The following SPPL3 variants were observed in gnomAD, a reference collection of about 807,000 sequenced individuals.
The protein encoded by SPPL3 is signal peptide peptidase-like 3.
In SPPL3, 5 loss-of-function variants were observed where a neutral mutation model predicts 42.4. The ratio of observed to expected loss-of-function variants is 0.12; its 90% CI spans 0.06 to 0.25. SPPL3 has a LOEUF of 0.25. Ranked by LOEUF, SPPL3 falls within the 10% of genes least tolerant of loss-of-function variation. The probability of loss-of-function intolerance (pLI) is 1.00; values close to 1 mark genes in which losing one functional copy is unlikely to be tolerated. For missense variants in SPPL3, 235 were observed against 489.0 expected, an observed-to-expected ratio of 0.48 and a Z score of 4.90; for synonymous variants, 195 against 181.8, an observed-to-expected ratio of 1.07 and a Z score of -0.58.
Position 120,767,532 on chromosome 12 carries a change from G to A in SPPL3, c.835C>T (p.Leu279=), listed in dbSNP as rs779926267. The change falls in exon 9 of 11, where the codon CTA becomes TTA. Residue 279 remains leucine, a synonymous_variant. Coordinates refer to ENST00000353487, the MANE Select transcript of SPPL3 (RefSeq NM_139015.5). ...TTGTCATAGCGAAGGACAAAGCATAGTAGGAGACCAGGCATAACGATGTCT... is the reference window on the plus strand; with the variant it reads ...TTGTCATAGCGAAGGACAAAGCATAATAGGAGACCAGGCATAACGATGTCT... ...IGDIVMPGLL[L]CFVLRYDNYK... 6 of 1,614,230 alleles carry A rather than the reference G, an allele frequency of 3.7e-6. No individual in the cohort carries two copies. The East Asian group carries it at 6.7e-5, about 18-fold the overall frequency.
At chr12:120,842,050 A>T (rs763890800) in intron 1 of SPPL3, among the ~76,000 whole-genome samples, 1 of 152,198 alleles carries the variant, frequency 6.6e-6, no homozygotes, top group South Asian at 2.1e-4. Context: ...TGGAATAGTA[A>T]ATTTGAGGAT....
In SPPL3 at chr12:120,767,507, T is replaced by G. The variant is rs1284700306; in HGVS notation, c.860A>C (p.Asn287Thr). 1.2e-6 allele frequency: 2 copies of G among 1,614,138 alleles called. No homozygotes were observed. Among genetic ancestry groups the G allele is most frequent in the Admixed American group, 3.3e-5 (2 of 60,012 alleles). ...LLLCFVLRYD[N>T]YKKQASGDSC... ...GTCCCCACTGGCTTGCTTTTTGTAG[T>G]TGTCATAGCGAAGGACAAAGCATAG... Residue 287 changes from asparagine (N) to threonine (T), a missense_variant, in exon 9 of 11, where the codon AAC (asparagine) becomes ACC (threonine). By Grantham distance (65) the Asn-to-Thr change is moderately conservative (BLOSUM62 0). Coordinates refer to ENST00000353487, the MANE Select transcript of SPPL3 (RefSeq NM_139015.5).
chr12:120,812,068 C>G lies in SPPL3; in HGVS notation c.24-1182G>C, dbSNP rs528927261. ...AGCAGAGGGAAGAATTGCAGTGATC[C>G]CTAGGTTTCTGCTTAGCTGGCTTTG... On this transcript the variant is annotated intron_variant, in intron 1 of 10. Coordinates refer to ENST00000353487, the MANE Select transcript of SPPL3 (RefSeq NM_139015.5). 1.2e-4 allele frequency among the ~76,000 whole-genome samples: 18 copies of G among 150,746 alleles called. No individual in the cohort carries two copies. The South Asian group carries it at 3.8e-3, about 32-fold the overall frequency.
intron 1 of SPPL3, among the ~76,000 whole-genome samples, chr12:120,821,602 T>C (rs988020814): frequency 1.3e-5 from 2 of 152,248 alleles, no homozygotes; most frequent in African/African-American, 2.4e-5. Context: ...TTAGAACTTG[T>C]ACAAAATAAA....
In SPPL3 at chr12:120,791,508, T is replaced by C; in HGVS notation, c.151A>G (p.Ser51Gly). ...ENQDKEKDSNSSSGSFNGNST... is the reference protein window; with the variant it reads ...ENQDKEKDSNGSSGSFNGNST... ...TTGCCATTGAAAGACCCAGAAGAAC[T>C]ATTACTGTCTTTCTCCTTATCTTGA... Residue 51 changes from serine to glycine, a missense_variant, in exon 3 of 11, where the codon AGT becomes GGT. By Grantham distance (56) the Ser-to-Gly change is moderately conservative (BLOSUM62 0). Transcript: ENST00000353487. 6.2e-7 allele frequency: 1 copy of C among 1,607,190 alleles called. No individual in the cohort carries two copies. Among genetic ancestry groups the C allele is most frequent in the African/African-American group, 1.3e-5 (1 of 74,784 alleles).
intron 2 of SPPL3, among the ~76,000 whole-genome samples, chr12:120,800,498 G>C (rs1870254729): frequency 6.6e-6 from 1 of 151,770 alleles, no homozygotes; most frequent in Admixed American, 6.6e-5. Flanking sequence ...ATGAAACTCA[G>C]TCTCAAAACA....
chr12:120,784,300 G>A, intron 4 of SPPL3, 174 bp downstream of exon 4: 1 of 539,250 alleles, frequency 1.9e-6, no homozygotes, highest in Non-Finnish European at 3.2e-6. Flanking sequence ...TGGATCAAGA[G>A]GTTCAAGGAG....
chr12:120,802,431 ATT>A (rs1166451844), intron 2 of SPPL3, among the ~76,000 whole-genome samples: 1 of 105,120 alleles, frequency 9.5e-6, no homozygotes, highest in South Asian at 3.1e-4. Flanking sequence ...ATATATATAT[ATT>A]TTTTTTTTTT....
At chr12:120,859,229 C>CAAATCCCA (rs1188529902) in intron 1 of SPPL3, among the ~76,000 whole-genome samples, 1 of 152,100 alleles carries the variant, frequency 6.6e-6, no homozygotes, top group African/African-American at 2.4e-5. Context: ...TTGAACACTG[C>CAAATCCCA]AAATCCAAAA....
intron 1 of SPPL3, among the ~76,000 whole-genome samples, chr12:120,902,611 C>T (rs1683577623): frequency 6.6e-6 from 1 of 152,190 alleles, no homozygotes; most frequent in Non-Finnish European, 1.5e-5. Flanking sequence ...ATCAACAAAG[C>T]AAGTTGGTGG....
rs3078034 is a variant in SPPL3, at chr12:120,763,808, CTTTT to C, written c.*1187_*1190del. On this transcript the variant is annotated 3_prime_UTR_variant, in exon 11 of 11. Transcript: ENST00000353487. ...AGGACAGGATTGTGTTGCTTTTTTC[CTTTT>C]TTTTTTTCTTAAAGGAGTGAGGGCA... The C allele has an allele frequency of 1.4e-5, 2 of 140,160 alleles. No individual in the cohort carries two copies. Among genetic ancestry groups the C allele is most frequent in the African/African-American group, 2.7e-5 (1 of 37,322 alleles). 8.7% of individuals were successfully genotyped at this position (140,160 alleles called of 1,614,324 possible). A position where few individuals can be genotyped will look rare whatever the true frequency, so the allele number is the denominator to read the frequency against.
chr12:120,797,224 T>G (rs1426778316), intron 2 of SPPL3, among the ~76,000 whole-genome samples: 1 of 152,002 alleles, frequency 6.6e-6, no homozygotes, highest in Non-Finnish European at 1.5e-5. Context: ...TCAAGGATTC[T>G]GTGTAGATCT....
At chr12:120,806,320 C>T (rs1870487298) in intron 2 of SPPL3, among the ~76,000 whole-genome samples, 1 of 151,296 alleles carries the variant, frequency 6.6e-6, no homozygotes, top group African/African-American at 2.4e-5. Context: ...CACCTTAGCT[C>T]GCGAGTCGCT....
chr12:120,763,092 A>G lies in SPPL3; in HGVS notation c.*1907T>C, dbSNP rs1340173331. The stretch of plus-strand genomic sequence containing the variant: ...AGCAGAAGCTTCAGTTCTTTGATGT[A>G]TCTATGACTGGGCCAGAGCTGCAGA... On this transcript the variant is annotated 3_prime_UTR_variant, in exon 11 of 11. Transcript: ENST00000353487. 6.6e-6 allele frequency: 1 copy of G among 152,236 alleles called. No homozygotes were observed. Among genetic ancestry groups the G allele is most frequent in the African/African-American group, 2.4e-5 (1 of 41,458 alleles). 9.4% of individuals were successfully genotyped at this position (152,236 alleles called of 1,614,324 possible).
chr12:120,869,010 A>AAT (rs1872845586), intron 1 of SPPL3, among the ~76,000 whole-genome samples: 1 of 152,226 alleles, frequency 6.6e-6, no homozygotes. Context: ...TTATATTAAT[A>AAT]GTCTACATAA....
At position 120,876,414 on chromosome 12, in the gene SPPL3, C is replaced by T. The variant is rs547147034; in HGVS notation, c.23+27431G>A. Among the ~76,000 whole-genome samples, 5 of 151,462 alleles carry T rather than the reference C, an allele frequency of 3.3e-5. No individual in the cohort carries two copies. The South Asian group carries it at 6.3e-4, about 19-fold the overall frequency. ...AGATCATGAGGTCAGGAGCTCGAGA[C>T]CATCCTGACTAACACGGTGAAACCC... On this transcript the variant is annotated intron_variant, in intron 1 of 10. Coordinates refer to ENST00000353487, the MANE Select transcript of SPPL3 (RefSeq NM_139015.5).
In SPPL3 at chr12:120,826,015, C is replaced by CG. The variant is rs531557426; in HGVS notation, c.24-15130dup. ...AATGAAAGCAGGGCAAGAGTTAGGA[C>CG]GGGCGCAGTGGCTCACGCCTGTAAT... On this transcript the variant is annotated intron_variant, in intron 1 of 10. Transcript: ENST00000353487. 6.8e-5 allele frequency among the ~76,000 whole-genome samples: 7 copies of CG among 103,438 alleles called. No homozygotes were observed. The South Asian group carries it at 1.8e-3, about 26-fold the overall frequency. The allele number at this position is 103,438 out of a possible 152,430, so 67.9% of individuals were successfully genotyped here. A position where few individuals can be genotyped will look rare whatever the true frequency, so the allele number is the denominator to read the frequency against.
intron 1 of SPPL3, among the ~76,000 whole-genome samples, chr12:120,858,704 G>T (rs2137040313): frequency 6.6e-6 from 1 of 152,192 alleles, no homozygotes; most frequent in South Asian, 2.1e-4. Context: ...AGAAAAACAG[G>T]CAAAGAAGAT....
At chr12:120,856,078 T>C (rs1872446620) in intron 1 of SPPL3, among the ~76,000 whole-genome samples, 1 of 152,192 alleles carries the variant, frequency 6.6e-6, no homozygotes, top group Non-Finnish European at 1.5e-5. Context: ...TACTGAGCAC[T>C]TGAAATGCAG....
Sources: allele counts gnomAD v4.1 joint callset (sites outside exome capture counted in the v4.1 genomes callset), GRCh38; gene constraint gnomAD v4.1.1; transcripts MANE v1.5; gene names NCBI Gene and HGNC (gene_info 2026-07-23, HGNC 2026-07-21).